The following CAST variants were observed in gnomAD, a reference collection of about 807,000 sequenced individuals.
CAST encodes the protein calpastatin, also known as MIR583 host.
In CAST, 76 loss-of-function variants were observed where a neutral mutation model predicts 119.6. The ratio of observed to expected loss-of-function variants is 0.64; its 90% CI spans 0.53 to 0.77. The LOEUF (loss-of-function observed/expected upper bound fraction) is 0.77. CAST is among the 30% of genes least tolerant of loss of function. The pLI, the probability that CAST is intolerant of heterozygous loss-of-function variation, is 0.00. For synonymous variants in CAST, 319 were observed against 331.6 expected, an observed-to-expected ratio of 0.96 and a Z score of 0.41; for missense variants, 953 against 946.5, an observed-to-expected ratio of 1.01 and a Z score of -0.09.
the CAST span, among the ~76,000 whole-genome samples, chr5:96,352,016 T>C: frequency 6.6e-6 from 1 of 152,124 alleles, no homozygotes; most frequent in Non-Finnish European, 1.5e-5. Flanking sequence ...AGAGTGTACC[T>C]CACCATACAG....
At chr5:96,466,573 G>GT in the CAST span, among the ~76,000 whole-genome samples, 154 of 143,666 alleles carry the variant, frequency 1.1e-3, no homozygotes, top group African/African-American at 4.0e-3. Context: ...GTTTGTGTGG[G>GT]GTTTTTTTTT....
chr5:96,181,808 G>A, the CAST span, among the ~76,000 whole-genome samples: 6 of 152,196 alleles, frequency 3.9e-5, no homozygotes, highest in East Asian at 1.2e-3. Flanking sequence ...TTTATTTCTA[G>A]TTAGATGCAT....
At chr5:96,206,977 T>G in the CAST span, among the ~76,000 whole-genome samples, 1 of 152,188 alleles carries the variant, frequency 6.6e-6, no homozygotes, top group African/African-American at 2.4e-5. Flanking sequence ...ATCTCTGACT[T>G]CTTTGAGCAG....
chr5:96,263,996 G>A, the CAST span, among the ~76,000 whole-genome samples: 3 of 152,182 alleles, frequency 2.0e-5, no homozygotes, highest in Admixed American at 2.0e-4. Flanking sequence ...CTTGACATGT[G>A]GAGATTATAA....
chr5:96,221,304 A>T, the CAST span, among the ~76,000 whole-genome samples: 1 of 152,148 alleles, frequency 6.6e-6, no homozygotes, highest in Non-Finnish European at 1.5e-5. Context: ...GGGCATTCGA[A>T]TTGGAAAAGA....
intron 1 of CAST, among the ~76,000 whole-genome samples, chr5:96,587,725 A>C (rs1026300402): frequency 2.4e-4 from 37 of 152,250 alleles, no homozygotes; most frequent in African/African-American, 8.4e-4. Context: ...AGTTATATTC[A>C]AATCAGGAGG....
chr5:96,230,101 C>T, the CAST span, among the ~76,000 whole-genome samples: 1 of 151,640 alleles, frequency 6.6e-6, no homozygotes, highest in African/African-American at 2.4e-5. Flanking sequence ...AGTGACCAAG[C>T]CTACATGGAA....
chr5:96,266,908 A>G, the CAST span, among the ~76,000 whole-genome samples: 11 of 152,344 alleles, frequency 7.2e-5, no homozygotes, highest in South Asian at 2.1e-4. Flanking sequence ...AGGAAACTCA[A>G]TGATCTCCAA....
the CAST span, among the ~76,000 whole-genome samples, chr5:96,225,607 GA>G: frequency 6.6e-6 from 1 of 152,074 alleles, no homozygotes; most frequent in African/African-American, 2.4e-5. Context: ...TTTTACTGAT[GA>G]GTTATCTTAT....
chr5:96,478,848 A>C, the CAST span, among the ~76,000 whole-genome samples: 2 of 152,248 alleles, frequency 1.3e-5, no homozygotes, highest in East Asian at 1.9e-4. Flanking sequence ...CGGCCACTGC[A>C]TATCTATATA....
the CAST span, among the ~76,000 whole-genome samples, chr5:96,170,007 C>A: frequency 6.6e-6 from 1 of 152,070 alleles, no homozygotes; most frequent in African/African-American, 2.4e-5. Flanking sequence ...AGGAACAAGG[C>A]CCTTGAAAAG....
chr5:96,241,890 C>T, the CAST span, among the ~76,000 whole-genome samples: 41 of 144,436 alleles, frequency 2.8e-4, no homozygotes, highest in Admixed American at 1.2e-3. Flanking sequence ...TCATGTCCTT[C>T]GCCCACTTTT....
At chr5:96,035,209 ATATT>A in the CAST span, among the ~76,000 whole-genome samples, 1 of 78,290 alleles carries the variant, frequency 1.3e-5, no homozygotes, top group Admixed American at 1.2e-4. Flanking sequence ...TATAAAAAAT[ATATT>A]TAAGTATATA....
At position 96,680,378 on chromosome 5, in the gene CAST, AAGAAG is replaced by A. The variant is rs1490318139; in HGVS notation, c.138+4779_138+4783del. 3.9e-3 allele frequency among the ~76,000 whole-genome samples: 285 copies of A among 72,926 alleles called. 16 individuals carry two copies. The highest frequency in any genetic ancestry group is 0.024 in the South Asian group (53 of 2,206). 47.8% of individuals were successfully genotyped at this position (72,926 alleles called of 152,430 possible). A position where few individuals can be genotyped will look rare whatever the true frequency, so the allele number is the denominator to read the frequency against. On this transcript the variant is annotated intron_variant, in intron 2 of 31. Coordinates refer to ENST00000675179, the MANE Select transcript of CAST (RefSeq NM_001750.7). Reference sequence around the variant, plus strand: ...TCAAAAAAAAAAAAAAAAAAAAAAAAAGAAGAAGAAGAAAAGAAAAATGGAAAATA... The same window carrying A: ...TCAAAAAAAAAAAAAAAAAAAAAAAAAAGAAGAAAAGAAAAATGGAAAATA...
the CAST span, among the ~76,000 whole-genome samples, chr5:96,171,471 G>A: frequency 1.3e-5 from 2 of 152,126 alleles, no homozygotes; most frequent in Non-Finnish European, 2.9e-5. Flanking sequence ...AGGCGTCCCT[G>A]CAATTGACTT....
the CAST span, among the ~76,000 whole-genome samples, chr5:96,092,639 C>T: frequency 6.6e-6 from 1 of 152,182 alleles, no homozygotes; most frequent in African/African-American, 2.4e-5. Flanking sequence ...TAGAAGATTA[C>T]TATAACATAC....
chr5:96,082,350 C>A, the CAST span, among the ~76,000 whole-genome samples: 3 of 152,252 alleles, frequency 2.0e-5, no homozygotes, highest in East Asian at 1.9e-4. Context: ...GCTTTCACAG[C>A]CCTATGGACT....
the CAST span, among the ~76,000 whole-genome samples, chr5:96,413,229 G>GA: frequency 5.3e-5 from 8 of 152,286 alleles, no homozygotes; most frequent in African/African-American, 1.9e-4. Context: ...CCCCCAAGGG[G>GA]AATCATTTTT....
the CAST span, among the ~76,000 whole-genome samples, chr5:96,465,333 A>C: frequency 6.6e-6 from 1 of 152,120 alleles, no homozygotes; most frequent in South Asian, 2.1e-4. Flanking sequence ...AATATACAAA[A>C]CCATACATGT....
Sources: allele counts gnomAD v4.1 joint callset (sites outside exome capture counted in the v4.1 genomes callset), GRCh38; gene constraint gnomAD v4.1.1; transcripts MANE v1.5; gene names NCBI Gene and HGNC (gene_info 2026-07-23, HGNC 2026-07-21).